The following NEK10 variants were observed in gnomAD, a reference collection of about 807,000 sequenced individuals.
NEK10 encodes NIMA related kinase 10, also known as serine/threonine-protein kinase Nek10.
A neutral mutation model predicts 159.8 loss-of-function variants in NEK10; 122 were observed. The ratio of observed to expected loss-of-function variants is 0.76; its 90% CI spans 0.66 to 0.89. The LOEUF (loss-of-function observed/expected upper bound fraction) is 0.89, where lower values mean the gene tolerates loss of function less well. Ranked by LOEUF, NEK10 falls within the 40% of genes least tolerant of loss-of-function variation. The pLI is 0.00. For synonymous variants in NEK10, 466 were observed against 457.1 expected, an observed-to-expected ratio of 1.02 and a Z score of -0.25; for missense variants, 1,342 against 1,323.1, an observed-to-expected ratio of 1.01 and a Z score of -0.22.
At chr3:27,243,280 G>T (rs1185377005) in intron 23 of NEK10, among the ~76,000 whole-genome samples, 1 of 152,074 alleles carries the variant, frequency 6.6e-6, no homozygotes. Context: ...ATAGCTAAAT[G>T]AGTTAAGAAA....
intron 23 of NEK10, among the ~76,000 whole-genome samples, chr3:27,217,047 A>G (rs1048502464): frequency 2.6e-5 from 4 of 152,212 alleles, no homozygotes; most frequent in African/African-American, 9.6e-5. Flanking sequence ...TATGAGTGAT[A>G]AAGATAAAAA....
intron 24 of NEK10, 54 bp from the exon 25 acceptor site, chr3:27,201,634 G>T: frequency 1.5e-6 from 2 of 1,302,166 alleles, no homozygotes; most frequent in Non-Finnish European, 2.2e-6. Context: ...GGATGTCTTT[G>T]AATAGTTAAT....
intron 23 of NEK10, among the ~76,000 whole-genome samples, chr3:27,209,021 A>G (rs1365888006): frequency 6.6e-6 from 1 of 152,248 alleles, no homozygotes; most frequent in Non-Finnish European, 1.5e-5. Context: ...ATACTATGCC[A>G]CTAAAAGAAA....
At chr3:27,115,746 A>G (rs1216022733) in intron 35 of NEK10, among the ~76,000 whole-genome samples, 194 bp downstream of exon 35, 2 of 152,218 alleles carry the variant, frequency 1.3e-5, no homozygotes, top group African/African-American at 2.4e-5. Context: ...GAATACAGCA[A>G]CTGTGTCCAC....
intron 33 of NEK10, among the ~76,000 whole-genome samples, chr3:27,117,336 T>C (rs1012583466): frequency 2.0e-5 from 3 of 152,240 alleles, no homozygotes; most frequent in Non-Finnish European, 4.4e-5. Context: ...TCTTTGGGTA[T>C]ATACCCAGTA....
chr3:27,107,903 A>G lies in NEK10; in HGVS notation c.*3369T>C, dbSNP rs1316096547. On this transcript the variant is annotated 3_prime_UTR_variant, in exon 36 of 36. Coordinates refer to ENST00000691995, the MANE Select transcript of NEK10 (RefSeq NM_001394966.1). ...CATGATTCCTCACCACTTCAAAAAA[A>G]GAGAAAAATAGCAATACATACATGC... Among the ~76,000 whole-genome samples the G allele has an allele frequency of 3.3e-5, 5 of 152,246 alleles. No individual in the cohort carries two copies. The highest frequency in any genetic ancestry group is 1.2e-4 in the African/African-American group (5 of 41,468).
In NEK10 at chr3:27,282,559, T is replaced by TATATATATATATATAC. The variant is rs1244802639; in HGVS notation, c.2014+2042_2014+2043insGTATATATATATATAT. On this transcript the variant is annotated intron_variant, in intron 22 of 35. Transcript: ENST00000691995. ...TGTGTTATATATATATATATATATA[T>TATATATATATATATAC]ACATAACTGTGTTATATATATATAC... Among the ~76,000 whole-genome samples the TATATATATATATATAC allele has an allele frequency of 9.9e-4, 86 of 86,890 alleles. 4 individuals carry two copies. The highest frequency in any genetic ancestry group is 4.4e-3 in the African/African-American group (83 of 18,766). The allele number at this position is 86,890 out of a possible 152,430, so 57.0% of individuals were successfully genotyped here. A position where few individuals can be genotyped will look rare whatever the true frequency, so the allele number is the denominator to read the frequency against.
At chr3:27,223,184 T>C (rs1361834286) in intron 23 of NEK10, among the ~76,000 whole-genome samples, 1 of 152,244 alleles carries the variant, frequency 6.6e-6, no homozygotes, top group East Asian at 1.9e-4. Flanking sequence ...AGCTGCATTC[T>C]GAGCCCTTGC....
intron 22 of NEK10, among the ~76,000 whole-genome samples, chr3:27,260,832 C>T (rs534233328): frequency 6.4e-4 from 98 of 152,254 alleles, no homozygotes; most frequent in Admixed American, 9.2e-4. Context: ...TAGAATTCGG[C>T]TGTGAATCCA....
At chr3:27,187,363 T>C (rs1948714774) in intron 26 of NEK10, among the ~76,000 whole-genome samples, 1 of 152,188 alleles carries the variant, frequency 6.6e-6, no homozygotes, top group African/African-American at 2.4e-5. Context: ...TGATCCTGAC[T>C]ACTACTACCA....
rs560319340 is a variant in NEK10, at chr3:27,146,658, T to C, written c.2870-5076A>G. Among the ~76,000 whole-genome samples the C allele has an allele frequency of 2.6e-5, 4 of 152,322 alleles. No individual in the cohort carries two copies. In the South Asian group the frequency reaches 8.3e-4, roughly 32 times the overall value. ...ATCAATCCCTGTGTCCCTGGTTAGA[T>C]GAAGAATCTTGAACTCATAAGGATT... On this transcript the variant is annotated intron_variant, in intron 30 of 35. Coordinates refer to ENST00000691995, the MANE Select transcript of NEK10 (RefSeq NM_001394966.1).
chr3:27,361,177 A>T (rs80140533), intron 1 of NEK10, among the ~76,000 whole-genome samples: 3,067 of 152,256 alleles, frequency 0.02, 56 homozygotes, highest in East Asian at 0.065. Flanking sequence ...ATTCCAACTT[A>T]TATCTTTTAT....
intron 22 of NEK10, among the ~76,000 whole-genome samples, chr3:27,274,794 T>A (rs146162079): frequency 6.6e-6 from 1 of 152,162 alleles, no homozygotes; most frequent in African/African-American, 2.4e-5. Flanking sequence ...GATGACATAA[T>A]CAGAAGCATA....
chr3:27,115,882 C>G (rs907575161), intron 35 of NEK10, 58 bp downstream of exon 35: 34 of 1,217,330 alleles, frequency 2.8e-5, no homozygotes, highest in Non-Finnish European at 3.8e-5. Flanking sequence ...GAAATTAGAT[C>G]TAACATCTGA....
chr3:27,252,096 A>G, intron 23 of NEK10: 1 of 204,596 alleles, frequency 4.9e-6, no homozygotes, highest in Non-Finnish European at 1.1e-5. Context: ...CTGCTAGTCA[A>G]CTCCTCTAGG....
intron 29 of NEK10, 120 bp downstream of exon 29, chr3:27,171,699 C>G (rs999619512): frequency 2.1e-6 from 2 of 949,188 alleles, no homozygotes; most frequent in African/African-American, 3.3e-5. Flanking sequence ...GGCAAGTAAG[C>G]TCTAACTCCT....
chr3:27,149,421 T>C (rs1022568864), intron 30 of NEK10, among the ~76,000 whole-genome samples: 3 of 152,210 alleles, frequency 2.0e-5, no homozygotes, highest in Admixed American at 2.0e-4. Context: ...GCAAGGCTAC[T>C]GGCACCATTT....
chr3:27,128,557 C>T (rs1218156731), intron 32 of NEK10, among the ~76,000 whole-genome samples: 1 of 152,060 alleles, frequency 6.6e-6, no homozygotes, highest in African/African-American at 2.4e-5. Flanking sequence ...AGAATAAAAG[C>T]TTTCTTCTTT....
At chr3:27,293,045 G>A (rs1342503295) in intron 16 of NEK10, among the ~76,000 whole-genome samples, 3 of 152,122 alleles carry the variant, frequency 2.0e-5, no homozygotes, top group Admixed American at 6.5e-5. Context: ...ACCACTGAGG[G>A]AACCAGTGTT....
Sources: gnomAD v4.1 joint callset for allele counts (sites outside exome capture counted in the v4.1 genomes callset) on GRCh38, gnomAD v4.1.1 for gene constraint, MANE v1.5 for transcripts, NCBI Gene and HGNC (gene_info 2026-07-23, HGNC 2026-07-21) for gene names.